OPTN: variants seen among roughly 807,000 people sequenced by gnomAD.
The protein encoded by OPTN is optineurin.
In OPTN, 54 loss-of-function variants were observed where a neutral mutation model predicts 70.4. That is an observed-to-expected ratio of 0.77 (90% CI 0.62 to 0.96). The LOEUF is 0.96. Ranked by LOEUF, OPTN falls within the 40% of genes least tolerant of loss-of-function variation. OPTN has a pLI of 0.00. For missense variants in OPTN, 624 were observed against 673.2 expected (o/e 0.93, Z 0.81); for synonymous variants, 256 against 248.5 (o/e 1.03, Z -0.28).
At position 13,125,344 on chromosome 10, in the gene OPTN, C is replaced by T. The variant is rs1018629180; in HGVS notation, c.999-74C>T. 80 of 1,517,864 alleles carry T rather than the reference C, an allele frequency of 5.3e-5. No individual in the cohort carries two copies. In the African/African-American group the frequency reaches 1.0e-3, roughly 20 times the overall value. 94.0% of individuals were successfully genotyped at this position (1,517,864 alleles called of 1,614,324 possible). ...CTAAAATTCTTATATTGTACATAAC[C>T]TTGGGGTTTGTTTAAAAGCCACTGC... On this transcript the variant is annotated intron_variant, in intron 9 of 14. Coordinates refer to ENST00000378747, the MANE Select transcript of OPTN (RefSeq NM_001008212.2).
chr10:13,115,463 AATATAGAAT>A (rs1833166545), intron 5 of OPTN, among the ~76,000 whole-genome samples: 5 of 100,554 alleles, frequency 5.0e-5, no homozygotes, highest in African/African-American at 2.6e-4. Context: ...TATATTATAT[AATATAGAAT>A]ATATATAATA....
chr10:13,135,644 A>C (rs1833683208), intron 14 of OPTN, among the ~76,000 whole-genome samples: 2 of 152,154 alleles, frequency 1.3e-5, no homozygotes, highest in South Asian at 4.1e-4. Flanking sequence ...GTGTCTTTAT[A>C]CATCCCAGAG....
chr10:13,104,517 A>T, intron 1 of OPTN: 1 of 418,556 alleles, frequency 2.4e-6, no homozygotes, highest in Admixed American at 2.9e-5. Context: ...CATCATAGTA[A>T]AACAGGCCCT....
intron 6 of OPTN, 59 bp from the exon 7 acceptor site, chr10:13,118,829 T>C: frequency 6.8e-7 from 1 of 1,465,248 alleles, no homozygotes; most frequent in Non-Finnish European, 9.6e-7. Context: ...ATTGGGTTAC[T>C]CTCTTCTTAG....
intron 1 of OPTN, among the ~76,000 whole-genome samples, chr10:13,107,378 C>A (rs55818930): frequency 0.75 from 108,827 of 144,526 alleles, 42,799 homozygotes; most frequent in Non-Finnish European, 0.88. Flanking sequence ...CTCAAAAAAC[C>A]AAAACAGTCT....
intron 5 of OPTN, among the ~76,000 whole-genome samples, chr10:13,114,497 C>G (rs1833078570): frequency 1.3e-5 from 2 of 151,832 alleles, no homozygotes; most frequent in Middle Eastern, 6.8e-3. Context: ...GCATGGTTAG[C>G]ATCTCATTCT....
At chr10:13,114,973 TTATATATAGATATATCTATATTTATA>T (rs1833120623) in intron 5 of OPTN, among the ~76,000 whole-genome samples, 1 of 2,012 alleles carries the variant, frequency 5.0e-4, no homozygotes, top group Non-Finnish European at 8.4e-4. Context: ...TTATATATAT[TTATATATAGATATATCTATATTTATA>T]TATATTTATA....
rs563694791 is a variant in OPTN, at chr10:13,138,149, C to T, written c.*1283C>T. ...TGTGCTGTGTGAGTTAGAAGTCATT[C>T]TTGCTGAGAAGGTGAATAGGTAGGG... is the stretch of plus-strand genomic sequence containing the variant. On this transcript the variant is annotated 3_prime_UTR_variant, in exon 15 of 15. Coordinates refer to ENST00000378747, the MANE Select transcript of OPTN (RefSeq NM_001008212.2). 7.7e-5 allele frequency: 15 copies of T among 195,504 alleles called. No homozygotes were observed. Among genetic ancestry groups the T allele is most frequent in the Admixed American group, 1.8e-4 (3 of 16,432 alleles). The allele number at this position is 195,504 out of a possible 1,614,324, so 12.1% of individuals were successfully genotyped here.
At chr10:13,126,641 A>G (rs1218541466) in intron 11 of OPTN, among the ~76,000 whole-genome samples, 1 of 152,158 alleles carries the variant, frequency 6.6e-6, no homozygotes, top group African/African-American at 2.4e-5. Context: ...TTCTATGGGT[A>G]GGAAGGGCCA....
Position 13,128,502 on chromosome 10 carries a change from CTTTTTT to C in OPTN, c.1401+626_1401+631del, listed in dbSNP as rs56147136. On this transcript the variant is annotated intron_variant, in intron 12 of 14. Coordinates refer to ENST00000378747, the MANE Select transcript of OPTN (RefSeq NM_001008212.2). ...TTGTGAAGTGCCTTATCAAGCCTGC[CTTTTTT>C]TTTTTTTTTTTTTTTTTTTTTTTTT... 2.0e-3 allele frequency among the ~76,000 whole-genome samples: 67 copies of C among 33,466 alleles called. 1 individual carries two copies. Among genetic ancestry groups the C allele is most frequent in the African/African-American group, 9.3e-3 (57 of 6,126 alleles). The allele number at this position is 33,466 out of a possible 152,430, so 22.0% of individuals were successfully genotyped here. A position where few individuals can be genotyped will look rare whatever the true frequency, so the allele number is the denominator to read the frequency against.
At chr10:13,129,440 C>A (rs1833544769) in intron 12 of OPTN, among the ~76,000 whole-genome samples, 1 of 151,938 alleles carries the variant, frequency 6.6e-6, no homozygotes, top group Non-Finnish European at 1.5e-5. Flanking sequence ...GCAACCTCCA[C>A]CTCCCGGGTT....
rs1023153288 is a variant in OPTN, at chr10:13,125,443, T to A, written c.1024T>A (p.Ser342Thr). 1 of 1,614,128 alleles carries A rather than the reference T, an allele frequency of 6.2e-7. No individual in the cohort carries two copies. The highest frequency in any genetic ancestry group is 8.5e-7 in the Non-Finnish European group (1 of 1,180,010). Residue 342 changes from serine to threonine, a missense_variant, in exon 10 of 15, where the codon TCT (serine) becomes ACT (threonine). Coordinates refer to ENST00000378747, the MANE Select transcript of OPTN (RefSeq NM_001008212.2). ...EKCQALERKN[S>T]AIPSELNEKQ... ...GTGTCAGGCCCTTGAAAGGAAAAAT[T>A]CTGCAATTCCATCAGAGTTGAATGA...
chr10:13,136,999 G>A lies in OPTN; in HGVS notation c.*133G>A, dbSNP rs535361151. ...TCTTGTTTTAAAAGAAAGAAAACAG[G>A]CCGGGCACAGTGGCTCATGCCTGTA... On this transcript the variant is annotated 3_prime_UTR_variant, in exon 15 of 15. Coordinates refer to ENST00000378747, the MANE Select transcript of OPTN (RefSeq NM_001008212.2). The A allele has an allele frequency of 2.5e-6, 3 of 1,198,262 alleles. No individual in the cohort carries two copies. In the East Asian group the frequency reaches 7.2e-5, roughly 29 times the overall value. The allele number at this position is 1,198,262 out of a possible 1,614,324, so 74.2% of individuals were successfully genotyped here.
chr10:13,124,373 A>G (rs1471728053), intron 9 of OPTN, among the ~76,000 whole-genome samples: 4 of 152,214 alleles, frequency 2.6e-5, no homozygotes, highest in African/African-American at 9.6e-5. Context: ...TAAGATCTCT[A>G]CAGTAAAGCT....
rs1564369346 is a variant in OPTN at position 13,133,549 on chromosome 10, A to T, written c.1580A>T (p.Asp527Val). Residue 527 changes from aspartate to valine, a missense_variant, in exon 14 of 15, where the codon GAC becomes GTC. Asp to Val is a radical substitution (Grantham distance 152). Transcript: ENST00000378747. The stretch of plus-strand genomic sequence containing the variant: ...AGTCGTCATGGGGCGAGAACAAGTG[A>T]CTCTGACCAGCAGGCTTACCTTGTT... ...MQSRHGARTSDSDQQAYLVQR... is the reference protein window; with the variant it reads ...MQSRHGARTSVSDQQAYLVQR... 2 of 1,613,958 alleles carry T rather than the reference A, an allele frequency of 1.2e-6. No individual in the cohort carries two copies. The highest frequency in any genetic ancestry group is 2.2e-5 in the East Asian group (1 of 44,860).
intron 14 of OPTN, 101 bp from the exon 15 acceptor site, chr10:13,136,644 C>G: frequency 7.1e-7 from 1 of 1,416,118 alleles, no homozygotes; most frequent in Non-Finnish European, 9.8e-7. Flanking sequence ...GTGTTGAATA[C>G]GAAGTTGAAC....
chr10:13,104,577 A>G, intron 1 of OPTN: 1 of 632,170 alleles, frequency 1.6e-6, no homozygotes, highest in South Asian at 1.4e-5. Flanking sequence ...TTTTATACTC[A>G]TTCCAAGGCT....
chr10:13,128,502 C>CTTTTTTTTTTTTTTTTTTTTTTT lies in OPTN; in HGVS notation c.1401+609_1401+631dup. Among the ~76,000 whole-genome samples, 53 of 33,470 alleles carry CTTTTTTTTTTTTTTTTTTTTTTT rather than the reference C, an allele frequency of 1.6e-3. 6 individuals are homozygous for CTTTTTTTTTTTTTTTTTTTTTTT. Among genetic ancestry groups the CTTTTTTTTTTTTTTTTTTTTTTT allele is most frequent in the Non-Finnish European group, 1.7e-3 (29 of 17,116 alleles). The allele number at this position is 33,470 out of a possible 152,430, so 22.0% of individuals were successfully genotyped here. A position where few individuals can be genotyped will look rare whatever the true frequency, so the allele number is the denominator to read the frequency against. On this transcript the variant is annotated intron_variant, in intron 12 of 14. Coordinates refer to ENST00000378747, the MANE Select transcript of OPTN (RefSeq NM_001008212.2). ...TTGTGAAGTGCCTTATCAAGCCTGC[C>CTTTTTTTTTTTTTTTTTTTTTTT]TTTTTTTTTTTTTTTTTTTTTTTTT... is the stretch of plus-strand genomic sequence containing the variant.
chr10:13,105,674 T>G (rs1480240567), intron 1 of OPTN, among the ~76,000 whole-genome samples: 1 of 152,110 alleles, frequency 6.6e-6, no homozygotes, highest in East Asian at 1.9e-4. Context: ...TTTGGGAGGC[T>G]GAGATGGGTG....
Sources: gnomAD v4.1 joint callset for allele counts (sites outside exome capture counted in the v4.1 genomes callset) on GRCh38, gnomAD v4.1.1 for gene constraint, MANE v1.5 for transcripts, NCBI Gene and HGNC (gene_info 2026-07-23, HGNC 2026-07-21) for gene names.